SEC14L5: variants seen among roughly 807,000 people sequenced by gnomAD.
SEC14L5 encodes the protein SEC14 like lipid binding 5, also known as SEC14-like protein 5.
Under a neutral mutation model 84.6 loss-of-function variants are expected in SEC14L5, and 96 were observed. The ratio of observed to expected loss-of-function variants is 1.13; its 90% CI spans 0.96 to 1.34. SEC14L5 has a LOEUF of 1.34. SEC14L5 is among the 40% of genes most tolerant of loss of function. The probability of loss-of-function intolerance (pLI) is 0.00; values close to 1 mark genes in which losing one functional copy is unlikely to be tolerated. For missense variants in SEC14L5, 1,224 were observed against 942.5 expected (o/e 1.30, Z -3.91); for synonymous variants, 546 against 383.4 (o/e 1.42, Z -4.95).
rs1485089286 is a variant in SEC14L5, at chr16:5,007,371, G to A, written c.1457G>A (p.Gly486Glu). The A allele has an allele frequency of 1.2e-6, 2 of 1,613,758 alleles. No homozygotes were observed. Among genetic ancestry groups the A allele is most frequent in the African/African-American group, 1.3e-5 (1 of 74,920 alleles). The part of the protein sequence containing the change: ...GESVCNVPEG[G>E]LVPKSLYMTE... The stretch of plus-strand genomic sequence containing the variant: ...CTGCAGTGTAATGTCCCCGAAGGAG[G>A]GCTGGTCCCCAAGTCCCTCTACATG... Residue 486 changes from glycine to glutamate, a missense_variant, in exon 13 of 16, where the codon GGG (glycine) becomes GAG (glutamate). Physicochemically the swap from Gly to Glu is moderately conservative, Grantham distance 98. Coordinates refer to ENST00000251170, the MANE Select transcript of SEC14L5 (RefSeq NM_014692.2).
At position 5,011,140 on chromosome 16, in the gene SEC14L5, C is replaced by G; in HGVS notation, c.1846C>G (p.Gln616Glu). The G allele has an allele frequency of 1.9e-6, 3 of 1,611,714 alleles. No homozygotes were observed. Among genetic ancestry groups the G allele is most frequent in the East Asian group, 2.2e-5 (1 of 44,760 alleles). ...GCCCGGCGTCTACCTGCTCCAGTGG[C>G]AAATGCACAGCCCCCCCAGCAGCGT... is the stretch of plus-strand genomic sequence containing the variant. ...RWPGVYLLQW[Q>E]MHSPPSSVAC... is the part of the protein sequence containing the mutation. The change falls in exon 15 of 16, where the codon CAA becomes GAA. Residue 616 changes from glutamine to glutamate, a missense_variant. Coordinates refer to ENST00000251170, the MANE Select transcript of SEC14L5 (RefSeq NM_014692.2).
chr16:4,981,592 G>T (rs927766000), intron 2 of SEC14L5, among the ~76,000 whole-genome samples: 33 of 152,130 alleles, frequency 2.2e-4, no homozygotes, highest in Admixed American at 2.6e-4. Context: ...GGCCCGGGGG[G>T]ACAGTGCCTG....
chr16:4,970,414 T>TTAGACCCAGTTCTA (rs1555528310), intron 2 of SEC14L5, among the ~76,000 whole-genome samples: 2 of 152,142 alleles, frequency 1.3e-5, no homozygotes, highest in Non-Finnish European at 2.9e-5. Context: ...GGGACCCCAG[T>TTAGACCCAGTTCTA]GCAAGTTAGA....
intron 1 of SEC14L5, among the ~76,000 whole-genome samples, chr16:4,958,933 G>T (rs77505078): frequency 6.6e-6 from 1 of 152,198 alleles, no homozygotes; most frequent in South Asian, 2.1e-4. Flanking sequence ...GGGTGCATGC[G>T]TGAATAGAAC....
At chr16:5,008,122 G>C (rs966510633) in intron 13 of SEC14L5, among the ~76,000 whole-genome samples, 2 of 151,782 alleles carry the variant, frequency 1.3e-5, no homozygotes, top group Non-Finnish European at 2.9e-5. Flanking sequence ...CACCATGTTG[G>C]CCAGACTGGT....
chr16:4,959,075 G>A (rs551778636), intron 1 of SEC14L5, among the ~76,000 whole-genome samples, 198 bp from the exon 2 acceptor site: 2 of 152,090 alleles, frequency 1.3e-5, no homozygotes, highest in Admixed American at 6.5e-5. Flanking sequence ...AAGGCTGAGC[G>A]TGGTCTGGGG....
chr16:4,987,320 A>G (rs1291560706), intron 2 of SEC14L5, among the ~76,000 whole-genome samples: 1 of 152,104 alleles, frequency 6.6e-6, no homozygotes, highest in Admixed American at 6.5e-5. Flanking sequence ...GCAAAAACTC[A>G]AATGCAGAGG....
At chr16:4,987,476 C>G (rs1288937554) in intron 2 of SEC14L5, 81 bp from the exon 3 acceptor site, 1 of 1,233,562 alleles carries the variant, frequency 8.1e-7, no homozygotes, top group Non-Finnish European at 1.1e-6. Flanking sequence ...ATAAGTGACA[C>G]AGCAGATAAG....
intron 2 of SEC14L5, among the ~76,000 whole-genome samples, chr16:4,979,847 G>T (rs972083607): frequency 2.6e-5 from 4 of 152,160 alleles, no homozygotes; most frequent in African/African-American, 9.7e-5. Context: ...GCCATCCAGG[G>T]AGGTGAACCT....
chr16:4,964,684 C>T (rs1955174882), intron 2 of SEC14L5, among the ~76,000 whole-genome samples: 1 of 152,136 alleles, frequency 6.6e-6, no homozygotes, highest in African/African-American at 2.4e-5. Flanking sequence ...GATCTTCCTG[C>T]TTCGGCCTCC....
At chr16:4,964,184 T>G (rs558671137) in intron 2 of SEC14L5, among the ~76,000 whole-genome samples, 1 of 152,228 alleles carries the variant, frequency 6.6e-6, no homozygotes, top group East Asian at 1.9e-4. Flanking sequence ...GGTCCTTGCA[T>G]AGAGGACACA....
chr16:4,970,838 G>A (rs1029310848), intron 2 of SEC14L5, among the ~76,000 whole-genome samples: 7 of 152,298 alleles, frequency 4.6e-5, no homozygotes, highest in East Asian at 3.9e-4. Context: ...GGCTGGGTGC[G>A]GTGGCTCGTG....
intron 15 of SEC14L5, among the ~76,000 whole-genome samples, chr16:5,013,101 A>G (rs2972281): frequency 0.78 from 119,001 of 151,934 alleles, 47,306 homozygotes; most frequent in East Asian, 0.94. Context: ...TCACTATCGC[A>G]AGAAGACCAT....
intron 4 of SEC14L5, among the ~76,000 whole-genome samples, chr16:4,990,294 C>T (rs902445521): frequency 6.6e-6 from 1 of 152,060 alleles, no homozygotes; most frequent in Non-Finnish European, 1.5e-5. Flanking sequence ...TCCCGAGTAG[C>T]TGGGATTACA....
chr16:5,001,600 C>A (rs1955678985), intron 10 of SEC14L5, among the ~76,000 whole-genome samples: 1 of 152,068 alleles, frequency 6.6e-6, no homozygotes, highest in Non-Finnish European at 1.5e-5. Flanking sequence ...ACGAGTTCTC[C>A]CTTGGCTCTG....
chr16:4,976,417 G>A (rs1397022455), intron 2 of SEC14L5, among the ~76,000 whole-genome samples: 1 of 152,204 alleles, frequency 6.6e-6, no homozygotes, highest in Non-Finnish European at 1.5e-5. Flanking sequence ...GCAAAGCACT[G>A]CAAATTCAGG....
chr16:5,004,099 C>G (rs941113531), intron 11 of SEC14L5, among the ~76,000 whole-genome samples: 2 of 152,186 alleles, frequency 1.3e-5, no homozygotes, highest in Admixed American at 1.3e-4. Context: ...TTTGGAGGAA[C>G]TGAAGAAACA....
intron 10 of SEC14L5, among the ~76,000 whole-genome samples, 181 bp from the exon 11 acceptor site, chr16:5,003,221 G>A (rs772061311): frequency 1.2e-4 from 19 of 152,214 alleles, no homozygotes; most frequent in Non-Finnish European, 2.1e-4. Context: ...GAATTTGGGC[G>A]CTCAGCCCTG....
intron 6 of SEC14L5, among the ~76,000 whole-genome samples, chr16:4,995,493 CT>C (rs1955599095): frequency 6.6e-6 from 1 of 152,176 alleles, no homozygotes; most frequent in Non-Finnish European, 1.5e-5. Flanking sequence ...ACAATGGGGC[CT>C]GGGGATGGGG....
Sources: gnomAD v4.1 joint callset for allele counts (sites outside exome capture counted in the v4.1 genomes callset) on GRCh38, gnomAD v4.1.1 for gene constraint, MANE v1.5 for transcripts, NCBI Gene and HGNC (gene_info 2026-07-23, HGNC 2026-07-21) for gene names.